FSTL5: variants seen among roughly 807,000 people sequenced by gnomAD.
FSTL5 encodes the protein follistatin-related protein 5.
A neutral mutation model predicts 89.1 loss-of-function variants in FSTL5; 62 were observed. The observed-to-expected ratio is 0.70, with a 90% CI of 0.57 to 0.86. The LOEUF (loss-of-function observed/expected upper bound fraction) is 0.86, where lower values mean the gene tolerates loss of function less well. FSTL5 is among the 40% of genes least tolerant of loss of function. The pLI is 0.00. For missense variants in FSTL5, 1,057 were observed against 1,001.6 expected (o/e 1.06, Z -0.75); for synonymous variants, 383 against 346.2 (o/e 1.11, Z -1.18).
chr4:161,656,515 T>C, intron 6 of FSTL5, 21 bp from the exon 7 acceptor site: 1 of 1,473,110 alleles, frequency 6.8e-7, no homozygotes. Context: ...GAAGTGTCAG[T>C]AATGTTGATG....
chr4:161,880,804 A>G (rs1732602831), intron 4 of FSTL5, among the ~76,000 whole-genome samples: 1 of 152,118 alleles, frequency 6.6e-6, no homozygotes, highest in Non-Finnish European at 1.5e-5. Context: ...ATGGCCCCAT[A>G]CTGTAGGACT....
intron 6 of FSTL5, among the ~76,000 whole-genome samples, chr4:161,713,332 G>A (rs747602525): frequency 6.6e-5 from 10 of 152,200 alleles, no homozygotes; most frequent in Non-Finnish European, 1.2e-4. Context: ...GTCTAGAAGA[G>A]TGTTTCCCAG....
At chr4:161,909,539 A>G (rs1319896410) in intron 4 of FSTL5, among the ~76,000 whole-genome samples, 4 of 151,962 alleles carry the variant, frequency 2.6e-5, no homozygotes, top group Non-Finnish European at 2.9e-5. Flanking sequence ...CTTCTCTGTT[A>G]TCTCATGTTT....
chr4:162,155,542 A>C, intron 1 of FSTL5, among the ~76,000 whole-genome samples: 1 of 152,236 alleles, frequency 6.6e-6, no homozygotes, highest in East Asian at 1.9e-4. Flanking sequence ...GTATGTCACA[A>C]CAGAAAACAT....
chr4:162,013,925 T>C (rs1736842561), intron 3 of FSTL5, among the ~76,000 whole-genome samples: 1 of 151,998 alleles, frequency 6.6e-6, no homozygotes, highest in Non-Finnish European at 1.5e-5. Flanking sequence ...GTGCTAAACA[T>C]CCTGGATTTA....
chr4:162,146,645 G>A (rs1732996577), intron 1 of FSTL5, among the ~76,000 whole-genome samples: 1 of 150,894 alleles, frequency 6.6e-6, no homozygotes, highest in East Asian at 2.0e-4. Flanking sequence ...CTGAGTTTCT[G>A]TGTTTTTTAC....
chr4:161,742,164 T>C (rs186732724), intron 6 of FSTL5, among the ~76,000 whole-genome samples: 2 of 152,044 alleles, frequency 1.3e-5, no homozygotes, highest in African/African-American at 4.8e-5. Flanking sequence ...AAACTACTAG[T>C]TATTTGAGAG....
chr4:161,771,711 T>C (rs149966447), intron 5 of FSTL5, among the ~76,000 whole-genome samples: 216 of 152,282 alleles, frequency 1.4e-3, no homozygotes, highest in Non-Finnish European at 1.9e-3. Flanking sequence ...GTTTGATTGA[T>C]ACTAAGTGTT....
In FSTL5 at chr4:161,440,413, G is replaced by T. The variant is rs1020890717; in HGVS notation, c.1841+14591C>A. Among the ~76,000 whole-genome samples the T allele has an allele frequency of 4.7e-5, 7 of 149,656 alleles. No homozygotes were observed. In the East Asian group the frequency reaches 1.4e-3, roughly 29 times the overall value. ...TAACACTAATGACAGCTGATGAGCC[G>T]AAAAAGAAAAAAAAAAGGTCTGTGC... On this transcript the variant is annotated intron_variant, in intron 15 of 15. Coordinates refer to ENST00000306100, the MANE Select transcript of FSTL5 (RefSeq NM_020116.5).
At chr4:161,629,543 C>A (rs1578979762) in intron 7 of FSTL5, among the ~76,000 whole-genome samples, 1 of 152,010 alleles carries the variant, frequency 6.6e-6, no homozygotes, top group East Asian at 1.9e-4. Flanking sequence ...CAGAGTTTCC[C>A]CATGTTGGCC....
At chr4:161,649,619 C>G (rs1736269451) in intron 7 of FSTL5, among the ~76,000 whole-genome samples, 1 of 152,146 alleles carries the variant, frequency 6.6e-6, no homozygotes, top group Non-Finnish European at 1.5e-5. Context: ...TTTATACTCT[C>G]TTAGATGACC....
intron 2 of FSTL5, among the ~76,000 whole-genome samples, chr4:162,063,755 TATGACA>T (rs1738797863): frequency 6.6e-6 from 1 of 151,970 alleles, no homozygotes; most frequent in South Asian, 2.1e-4. Flanking sequence ...TGATTTGAAT[TATGACA>T]ATAATGCTTC....
chr4:161,573,727 C>A (rs1194234837), intron 8 of FSTL5, among the ~76,000 whole-genome samples: 2 of 36,572 alleles, frequency 5.5e-5, no homozygotes, highest in Admixed American at 5.0e-4. Context: ...GAGAGAAACT[C>A]CAGCTCAAAA....
intron 9 of FSTL5, among the ~76,000 whole-genome samples, chr4:161,541,674 A>T (rs1578911280): frequency 6.6e-6 from 1 of 152,174 alleles, no homozygotes; most frequent in South Asian, 2.1e-4. Flanking sequence ...TTAAAGTGGA[A>T]TAATAATAGA....
intron 4 of FSTL5, among the ~76,000 whole-genome samples, chr4:161,838,450 T>A (rs1351414531): frequency 1.3e-5 from 2 of 151,762 alleles, no homozygotes; most frequent in African/African-American, 4.8e-5. Context: ...GCCCGGCTAA[T>A]TTTTTTTGTA....
At chr4:162,119,681 T>C (rs1172147704) in intron 1 of FSTL5, among the ~76,000 whole-genome samples, 2 of 152,192 alleles carry the variant, frequency 1.3e-5, no homozygotes, top group Non-Finnish European at 2.9e-5. Context: ...GAACATTCAA[T>C]AGCTTCCTTC....
At chr4:161,526,456 G>A (rs1490729323) in intron 10 of FSTL5, among the ~76,000 whole-genome samples, 2 of 152,054 alleles carry the variant, frequency 1.3e-5, no homozygotes, top group African/African-American at 4.8e-5. Context: ...ATACAAATGG[G>A]CATACCATTT....
At chr4:161,394,484 C>G (rs912405704) in intron 15 of FSTL5, among the ~76,000 whole-genome samples, 2 of 152,042 alleles carry the variant, frequency 1.3e-5, no homozygotes, top group Admixed American at 1.3e-4. Context: ...ACCATGTTAG[C>G]CAGGATGGTC....
intron 7 of FSTL5, among the ~76,000 whole-genome samples, chr4:161,617,931 G>A (rs908860333): frequency 1.3e-5 from 2 of 152,202 alleles, no homozygotes; most frequent in South Asian, 2.1e-4. Context: ...TCATTTTCAC[G>A]ATATTGATTC....
Sources: gnomAD v4.1 joint callset for allele counts (sites outside exome capture counted in the v4.1 genomes callset) on GRCh38, gnomAD v4.1.1 for gene constraint, MANE v1.5 for transcripts, NCBI Gene and HGNC (gene_info 2026-07-23, HGNC 2026-07-21) for gene names.